Variants in CDH8 observed in about 807,000 individuals in gnomAD.
CDH8 encodes cadherin 8.
In CDH8, 17 loss-of-function variants were observed where a neutral mutation model predicts 68.1. The observed-to-expected ratio is 0.25, with a 90% CI of 0.17 to 0.37. The LOEUF (loss-of-function observed/expected upper bound fraction) is 0.37, where lower values mean the gene tolerates loss of function less well. CDH8 is among the 10% of genes least tolerant of loss of function. The pLI, the probability that CDH8 is intolerant of heterozygous loss-of-function variation, is 1.00. For missense variants in CDH8, 763 were observed against 999.3 expected, an observed-to-expected ratio of 0.76 and a Z score of 3.19; for synonymous variants, 372 against 365.1, an observed-to-expected ratio of 1.02 and a Z score of -0.21.
intron 10 of CDH8, chr16:61,667,713 A>G (rs969124645): frequency 6.6e-6 from 1 of 151,958 alleles, no homozygotes; most frequent in Admixed American, 6.6e-5. Flanking sequence ...CCAGTTTGGG[A>G]TTATTTGTTA....
At chr16:61,789,521 A>G in intron 7 of CDH8, 39 bp from the exon 8 acceptor site, 1 of 1,596,606 alleles carries the variant, frequency 6.3e-7, no homozygotes, top group Non-Finnish European at 8.6e-7. Context: ...TTCAATGTTT[A>G]TATGATCCAT....
At chr16:61,816,207 A>G (rs939178293) in intron 7 of CDH8, among the ~76,000 whole-genome samples, 1 of 152,264 alleles carries the variant, frequency 6.6e-6, no homozygotes, top group Non-Finnish European at 1.5e-5. Flanking sequence ...TTCTGAATTT[A>G]GAAATGATTT....
intron 8 of CDH8, among the ~76,000 whole-genome samples, chr16:61,768,314 T>TCTCTGTG (rs1960651975): frequency 5.8e-5 from 1 of 17,196 alleles, no homozygotes; most frequent in Non-Finnish European, 1.1e-4. Context: ...GTCTCTCCCT[T>TCTCTGTG]TCTCTCTCTC....
chr16:61,835,450 A>T (rs1962549693), intron 4 of CDH8, among the ~76,000 whole-genome samples: 1 of 151,884 alleles, frequency 6.6e-6, no homozygotes, highest in African/African-American at 2.4e-5. Context: ...TACTCCCAAC[A>T]TGCATAGTGA....
At chr16:61,880,363 G>C (rs1963550021) in intron 3 of CDH8, among the ~76,000 whole-genome samples, 1 of 152,128 alleles carries the variant, frequency 6.6e-6, no homozygotes, top group Admixed American at 6.6e-5. Flanking sequence ...AAGACAGAAA[G>C]CAAATCTATG....
At position 61,647,824 on chromosome 16, in the gene CDH8, T is replaced by G. The variant is rs1193837464; in HGVS notation, c.*5784A>C. 1.4e-6 allele frequency: 1 copy of G among 699,880 alleles called. No individual in the cohort carries two copies. The highest frequency in any genetic ancestry group is 2.6e-6 in the Non-Finnish European group (1 of 383,058). The allele number at this position is 699,880 out of a possible 1,614,324, so 43.4% of individuals were successfully genotyped here. On this transcript the variant is annotated 3_prime_UTR_variant, in exon 12 of 12. Coordinates refer to ENST00000577390, the MANE Select transcript of CDH8 (RefSeq NM_001796.5). ...CCTCTGAGTTCATTGAAGCCATGGT[T>G]TTCCACAGTCTTTCTCTTCAGACAG...
intron 2 of CDH8, among the ~76,000 whole-genome samples, chr16:61,939,730 C>T (rs553771287): frequency 2.2e-4 from 33 of 152,254 alleles, no homozygotes; most frequent in Non-Finnish European, 4.4e-4. Flanking sequence ...ATCTGCCTCT[C>T]CTGCTACACA....
Position 61,832,331 on chromosome 16 carries a change from AATAGATAGATAG to A in CDH8, c.668-7164_668-7153del, listed in dbSNP as rs35346881. On this transcript the variant is annotated intron_variant, in intron 4 of 11. Coordinates refer to ENST00000577390, the MANE Select transcript of CDH8 (RefSeq NM_001796.5). ...AGATTTTAGAGGAAGACAGATAGAT[AATAGATAGATAG>A]ATAGATAGATAGATAGATAGATAGA... 1.2e-3 allele frequency among the ~76,000 whole-genome samples: 171 copies of A among 143,184 alleles called. 2 individuals carry two copies. The highest frequency in any genetic ancestry group is 3.5e-3 in the Middle Eastern group (1 of 284). 93.9% of individuals were successfully genotyped at this position (143,184 alleles called of 152,430 possible). A position where few individuals can be genotyped will look rare whatever the true frequency, so the allele number is the denominator to read the frequency against.
rs1963363742 is a variant in CDH8, at chr16:61,653,218, C to CATA, written c.*387_*389dup. 7 of 1,199,108 alleles carry CATA rather than the reference C, an allele frequency of 5.8e-6. No homozygotes were observed. In the East Asian group the frequency reaches 2.5e-4, roughly 43 times the overall value. The allele number at this position is 1,199,108 out of a possible 1,614,324, so 74.3% of individuals were successfully genotyped here. A position where few individuals can be genotyped will look rare whatever the true frequency, so the allele number is the denominator to read the frequency against. On this transcript the variant is annotated 3_prime_UTR_variant, in exon 12 of 12. Coordinates refer to ENST00000577390, the MANE Select transcript of CDH8 (RefSeq NM_001796.5). ...TTCATAAAAATCCTTGCAGAAGACA[C>CATA]ATATCAGCAGCAGATTCCTTGCAGG...
chr16:61,860,540 T>A (rs915385838), intron 3 of CDH8, among the ~76,000 whole-genome samples: 2 of 152,180 alleles, frequency 1.3e-5, no homozygotes, highest in African/African-American at 4.8e-5. Flanking sequence ...CATATAACAA[T>A]TTATTTTTTT....
chr16:61,896,137 T>C (rs1963865677), intron 3 of CDH8, among the ~76,000 whole-genome samples: 1 of 152,188 alleles, frequency 6.6e-6, no homozygotes. Flanking sequence ...GACATTTGCA[T>C]TGAAAAACCA....
chr16:61,746,819 T>C (rs540377331), intron 8 of CDH8, among the ~76,000 whole-genome samples: 1 of 152,188 alleles, frequency 6.6e-6, no homozygotes, highest in South Asian at 2.1e-4. Context: ...TTGAGACCGC[T>C]TTTCCTCAGT....
At chr16:61,789,225 C>T (rs1045593715) in intron 8 of CDH8, 121 bp downstream of exon 8, 16 of 820,822 alleles carry the variant, frequency 1.9e-5, no homozygotes, top group Non-Finnish European at 3.0e-5. Flanking sequence ...TCCTTGGGAA[C>T]AATCAAATAA....
At chr16:61,687,973 A>G (rs1225589909) in intron 10 of CDH8, among the ~76,000 whole-genome samples, 1 of 152,038 alleles carries the variant, frequency 6.6e-6, no homozygotes, top group Non-Finnish European at 1.5e-5. Flanking sequence ...CCGTTGGCAA[A>G]TCAGAATACT....
At position 62,012,986 on chromosome 16, in the gene CDH8, G is replaced by A. The variant is rs1457110659; in HGVS notation, c.252+8166C>T. ...TTAACTACTTAAGGCCGGGCGCGGT[G>A]GCTCACGCCTGTAATCCCAGCACTT... On this transcript the variant is annotated intron_variant, in intron 2 of 11. Coordinates refer to ENST00000577390, the MANE Select transcript of CDH8 (RefSeq NM_001796.5). 5.0e-5 allele frequency among the ~76,000 whole-genome samples: 5 copies of A among 99,326 alleles called. 1 individual carries two copies. Among genetic ancestry groups the A allele is most frequent in the Non-Finnish European group, 1.1e-4 (5 of 44,170 alleles). 65.2% of individuals were successfully genotyped at this position (99,326 alleles called of 152,430 possible).
intron 7 of CDH8, among the ~76,000 whole-genome samples, chr16:61,793,712 C>A (rs1286162006): frequency 6.6e-6 from 1 of 151,892 alleles, no homozygotes; most frequent in South Asian, 2.1e-4. Flanking sequence ...TGCAATTAAC[C>A]TATGCATGCC....
intron 10 of CDH8, among the ~76,000 whole-genome samples, chr16:61,663,777 T>C (rs889442905): frequency 1.3e-5 from 2 of 151,286 alleles, no homozygotes; most frequent in African/African-American, 4.8e-5. Context: ...GAATTCCTGT[T>C]ACCGAACAAA....
intron 7 of CDH8, among the ~76,000 whole-genome samples, chr16:61,802,319 T>A (rs1202029934): frequency 2.0e-5 from 1 of 50,784 alleles, no homozygotes; most frequent in African/African-American, 1.1e-4. Context: ...CATCTGTACA[T>A]CACCATCATC....
chr16:61,734,948 G>T (rs1381140258), intron 8 of CDH8, among the ~76,000 whole-genome samples: 3 of 152,000 alleles, frequency 2.0e-5, no homozygotes, highest in African/African-American at 7.2e-5. Context: ...TCTCAGTGGT[G>T]CCACATGCCC....
Sources: allele counts gnomAD v4.1 joint callset (sites outside exome capture counted in the v4.1 genomes callset), GRCh38; gene constraint gnomAD v4.1.1; transcripts MANE v1.5; gene names NCBI Gene and HGNC (gene_info 2026-07-23, HGNC 2026-07-21).